Variants in GRM4 observed in about 807,000 individuals in gnomAD.
GRM4 encodes metabotropic glutamate receptor 4.
GRM4 carries 28 observed loss-of-function variants against 81.7 expected under a neutral mutation model. The ratio of observed to expected loss-of-function variants is 0.34; its 90% CI spans 0.25 to 0.47. GRM4 has a LOEUF of 0.47. Among genes scored for constraint, GRM4 ranks in the 20% least tolerant of loss-of-function variants. GRM4 has a pLI of 1.00. For synonymous variants in GRM4, 488 were observed against 528.8 expected (o/e 0.92, Z 1.06); for missense variants, 948 against 1,290.0 (o/e 0.73, Z 4.06).
chr6:34,050,560 C>T (rs1023138202), intron 6 of GRM4, among the ~76,000 whole-genome samples: 4 of 152,340 alleles, frequency 2.6e-5, no homozygotes, highest in South Asian at 2.1e-4. Flanking sequence ...CCACGCTTCT[C>T]GCACAATCTG....
chr6:34,110,746 G>C (rs879260905), intron 2 of GRM4: 1 of 1,497,478 alleles, frequency 6.7e-7, no homozygotes, highest in South Asian at 1.3e-5. Context: ...CCTGCAGCCC[G>C]TGAGTCCCCA....
In GRM4 at chr6:34,152,622, A is replaced by G. The variant is rs552623877; in HGVS notation, c.312+2457T>C. ...CTAGACCCCCCAAAGAGGACAAAGC[A>G]GTGCTGGGGAAGAAAAGCCCACACG... On this transcript the variant is annotated intron_variant, in intron 1 of 8. Transcript: ENST00000374177. This position sits in a 1 kb window ranked among gnomAD's most constrained non-coding sequence, Gnocchi z 4.1. Among the ~76,000 whole-genome samples the G allele has an allele frequency of 6.6e-6, 1 of 152,306 alleles. No homozygotes were observed. The highest frequency in any genetic ancestry group is 6.5e-5 in the Admixed American group (1 of 15,294).
intron 1 of GRM4, among the ~76,000 whole-genome samples, chr6:34,134,814 T>C (rs1005133756): frequency 4.7e-4 from 71 of 152,316 alleles, no homozygotes; most frequent in African/African-American, 1.7e-3. Context: ...ATCATTATTG[T>C]TGTTGTGATT....
intron 2 of GRM4, among the ~76,000 whole-genome samples, chr6:34,131,840 C>A (rs1770247252): frequency 6.6e-6 from 1 of 152,146 alleles, no homozygotes; most frequent in African/African-American, 2.4e-5. Context: ...AGACAAAGGT[C>A]AACTCCAGAG....
chr6:34,056,516 C>A, intron 6 of GRM4, 28 bp downstream of exon 6: 1 of 1,599,438 alleles, frequency 6.3e-7, no homozygotes, highest in Non-Finnish European at 8.5e-7. Context: ...CTAGAGCCCG[C>A]CCGGCCCTGC....
rs1767659293 is a variant in GRM4 at position 34,082,568 on chromosome 6, C to T, written c.736+9315G>A. 2.6e-5 allele frequency among the ~76,000 whole-genome samples: 4 copies of T among 152,352 alleles called. No individual in the cohort carries two copies. In the South Asian group the frequency reaches 8.3e-4, roughly 32 times the overall value. ...GGAAGGTTACCAGCCTGAAGTCACA[C>T]AGCCGCCCAGGGACAAGAGCCAGGA... On this transcript the variant is annotated intron_variant, in intron 3 of 10. Transcript: ENST00000538487.
At chr6:34,100,006 A>C (rs2127492982) in intron 2 of GRM4, 1 of 959,570 alleles carries the variant, frequency 1.0e-6, no homozygotes, top group Non-Finnish European at 1.2e-6. Context: ...TCAGGACTTG[A>C]CTCCCTCATT....
chr6:34,052,151 T>C (rs1765644119), intron 6 of GRM4, among the ~76,000 whole-genome samples: 1 of 152,148 alleles, frequency 6.6e-6, no homozygotes, highest in Non-Finnish European at 1.5e-5. Flanking sequence ...ATTAATGGCC[T>C]CTCGGAGCAT....
intron 2 of GRM4, among the ~76,000 whole-genome samples, chr6:34,126,858 G>C (rs1770043707): frequency 6.6e-6 from 1 of 152,218 alleles, no homozygotes; most frequent in African/African-American, 2.4e-5. Flanking sequence ...GTAGAGCCTA[G>C]CGGGGGCCAG....
chr6:34,108,943 C>G (rs1289530678), intron 2 of GRM4, among the ~76,000 whole-genome samples: 1 of 152,128 alleles, frequency 6.6e-6, no homozygotes, highest in Non-Finnish European at 1.5e-5. Flanking sequence ...TCCAGGGGAC[C>G]CACCTGTGAT....
rs1241004874 is a variant in GRM4, at chr6:34,078,194, G to A, written c.736+13689C>T. Reference sequence around the variant, plus strand: ...CTAACATTTGACCTATTGTCCGGAAGGCTCCCGGACCCATCTCCAGCTCCT... The same window carrying A: ...CTAACATTTGACCTATTGTCCGGAAAGCTCCCGGACCCATCTCCAGCTCCT... On this transcript the variant is annotated intron_variant, in intron 3 of 10. Transcript: ENST00000538487. This position sits in a 1 kb window ranked among gnomAD's most constrained non-coding sequence, Gnocchi z 4.8. Among the ~76,000 whole-genome samples, 1 of 152,132 alleles carries A rather than the reference G, an allele frequency of 6.6e-6. No homozygotes were observed. The highest frequency in any genetic ancestry group is 2.4e-5 in the African/African-American group (1 of 41,406).
chr6:34,119,670 G>A lies in GRM4; in HGVS notation c.519+13308C>T, dbSNP rs192422125. 1.5e-3 allele frequency among the ~76,000 whole-genome samples: 229 copies of A among 152,308 alleles called. 5 individuals are homozygous for A. In the South Asian group the frequency reaches 0.02, roughly 13 times the overall value. ...AGTGGCCCATGCAGAGACTTCCACC[G>A]CAGTTCTGTCGGAGCCTAGATTGGA... On this transcript the variant is annotated intron_variant, in intron 2 of 10. Coordinates refer to ENST00000538487, the MANE Select transcript of GRM4 (RefSeq NM_000841.4).
In GRM4 at chr6:34,083,353, G is replaced by A. The variant is rs566942288; in HGVS notation, c.736+8530C>T. Among the ~76,000 whole-genome samples the A allele has an allele frequency of 1.1e-4, 17 of 152,302 alleles. No individual in the cohort carries two copies. The East Asian group carries it at 1.2e-3, about 10-fold the overall frequency. ...AGTCCCGGAGGCGCACCAAACAAGC[G>A]CGTGGTTCATCTTCACAACAGAACA... On this transcript the variant is annotated intron_variant, in intron 3 of 10. Coordinates refer to ENST00000538487, the MANE Select transcript of GRM4 (RefSeq NM_000841.4).
chr6:34,088,288 T>G (rs1038668970), intron 3 of GRM4, among the ~76,000 whole-genome samples: 6 of 152,066 alleles, frequency 3.9e-5, no homozygotes, highest in African/African-American at 1.4e-4. Context: ...CAGTCCCAGC[T>G]AATTTTTGTA....
In GRM4 at chr6:34,042,307, A is replaced by G. The variant is rs933455761; in HGVS notation, c.1169-1559T>C. ...CCTGAGCACAGAAAAGCTCAGTAAC[A>G]TTCCACGACTATGAAAAGCTGATGT... is the stretch of plus-strand genomic sequence containing the variant. On this transcript the variant is annotated intron_variant, in intron 6 of 10. Coordinates refer to ENST00000538487, the MANE Select transcript of GRM4 (RefSeq NM_000841.4). The surrounding 1 kb of genome is among the most constrained non-coding windows in gnomAD (Gnocchi z 4.2). Among the ~76,000 whole-genome samples, 2 of 152,176 alleles carry G rather than the reference A, an allele frequency of 1.3e-5. No individual in the cohort carries two copies. Among genetic ancestry groups the G allele is most frequent in the Non-Finnish European group, 2.9e-5 (2 of 68,030 alleles).
rs1320782069 is a variant in GRM4, at chr6:34,047,877, T to C, written c.1169-7129A>G. 6.6e-6 allele frequency among the ~76,000 whole-genome samples: 1 copy of C among 152,190 alleles called. No individual in the cohort carries two copies. The highest frequency in any genetic ancestry group is 1.5e-5 in the Non-Finnish European group (1 of 68,034). On this transcript the variant is annotated intron_variant, in intron 6 of 10. Coordinates refer to ENST00000538487, the MANE Select transcript of GRM4 (RefSeq NM_000841.4). The surrounding 1 kb of genome is among the most constrained non-coding windows in gnomAD (Gnocchi z 4.5). ...CCAAGAGCTCTGTGGTAGCATCGCC[T>C]GGGGCTCTTCAACCTTGAGCCAGCC... is the stretch of plus-strand genomic sequence containing the variant.
intron 6 of GRM4, among the ~76,000 whole-genome samples, chr6:34,049,665 A>T (rs1289098519): frequency 6.6e-6 from 1 of 151,824 alleles, no homozygotes; most frequent in Non-Finnish European, 1.5e-5. Context: ...CGCCCACCCC[A>T]TCGTAGTGCG....
At chr6:34,051,490 C>T (rs1048321598) in intron 6 of GRM4, among the ~76,000 whole-genome samples, 7 of 152,176 alleles carry the variant, frequency 4.6e-5, no homozygotes, top group African/African-American at 1.7e-4. Context: ...GTGCAGCAGG[C>T]AGTAAATTTT....
rs1044058428 is a variant in GRM4, at chr6:34,115,981, C to T, written c.519+16997G>A. ...CATACAAGTGGGTTTTCTGCGGCCT[C>T]GCCACCCCTATCCAACCTGGAAATC... On this transcript the variant is annotated intron_variant, in intron 2 of 10. Transcript: ENST00000538487. The surrounding 1 kb of genome is among the most constrained non-coding windows in gnomAD (Gnocchi z 4.1). Among the ~76,000 whole-genome samples the T allele has an allele frequency of 2.6e-5, 4 of 152,154 alleles. No individual in the cohort carries two copies. Among genetic ancestry groups the T allele is most frequent in the African/African-American group, 9.7e-5 (4 of 41,404 alleles).
Sources: gnomAD v4.1 joint callset for allele counts (sites outside exome capture counted in the v4.1 genomes callset) on GRCh38, gnomAD v4.1.1 for gene constraint, Gnocchi (gnomAD v3.1) non-coding constraint, MANE v1.5 for transcripts, NCBI Gene and HGNC (gene_info 2026-07-23, HGNC 2026-07-21) for gene names.